The following ATE1 variants were observed in gnomAD, a reference collection of about 807,000 sequenced individuals.
The protein encoded by ATE1 is arginyltransferase 1, also known as arginyl-tRNA--protein transferase 1.
A neutral mutation model predicts 70.5 loss-of-function variants in ATE1; 36 were observed. The ratio of observed to expected loss-of-function variants is 0.51; its 90% CI spans 0.39 to 0.67. ATE1 has a LOEUF of 0.67. Ranked by LOEUF, ATE1 falls within the 30% of genes least tolerant of loss-of-function variation. The pLI, the probability that ATE1 is intolerant of heterozygous loss-of-function variation, is 0.00. For synonymous variants in ATE1, 232 were observed against 219.3 expected (o/e 1.06, Z -0.51); for missense variants, 593 against 629.5 (o/e 0.94, Z 0.62).
At chr10:121,774,058 T>C (rs1945632719) in intron 11 of ATE1, among the ~76,000 whole-genome samples, 1 of 152,158 alleles carries the variant, frequency 6.6e-6, no homozygotes, top group Non-Finnish European at 1.5e-5. Context: ...GTTTAAATGT[T>C]TTAAGAAAAC....
intron 11 of ATE1, among the ~76,000 whole-genome samples, chr10:121,751,756 C>T (rs2135712204): frequency 6.6e-6 from 1 of 152,184 alleles, no homozygotes; most frequent in South Asian, 2.1e-4. Context: ...TGTGAATTAT[C>T]TTCACACCTT....
At chr10:121,771,564 C>T (rs1432700394) in intron 11 of ATE1, among the ~76,000 whole-genome samples, 1 of 152,192 alleles carries the variant, frequency 6.6e-6, no homozygotes, top group East Asian at 1.9e-4. Flanking sequence ...TGTTCACACT[C>T]CAGACATGAA....
intron 3 of ATE1, among the ~76,000 whole-genome samples, chr10:121,920,898 G>A (rs1951855261): frequency 6.6e-6 from 1 of 151,900 alleles, no homozygotes; most frequent in Non-Finnish European, 1.5e-5. Flanking sequence ...GGAGGCTGAG[G>A]CAGGAGAATC....
chr10:121,898,724 C>T, intron 7 of ATE1: 2 of 1,239,402 alleles, frequency 1.6e-6, no homozygotes, highest in South Asian at 1.7e-5. Context: ...TGAGTGTTCA[C>T]AGAAGTTCAG....
intron 8 of ATE1, among the ~76,000 whole-genome samples, chr10:121,847,947 T>C (rs1948899491): frequency 6.6e-6 from 1 of 151,806 alleles, no homozygotes; most frequent in African/African-American, 2.4e-5. Context: ...GGCACGTGCC[T>C]GTAATCCCAG....
At chr10:121,888,287 G>A (rs1442320276) in intron 7 of ATE1, among the ~76,000 whole-genome samples, 1 of 152,042 alleles carries the variant, frequency 6.6e-6, no homozygotes, top group South Asian at 2.1e-4. Flanking sequence ...CGAGCTACTC[G>A]GGAGGCTGAG....
intron 8 of ATE1, among the ~76,000 whole-genome samples, chr10:121,868,993 TGAA>T (rs1214042014): frequency 1.3e-5 from 2 of 152,200 alleles, no homozygotes; most frequent in Admixed American, 1.3e-4. Context: ...GAATATGATT[TGAA>T]GAAGTTGGGA....
chr10:121,858,499 G>C (rs1021159673), intron 8 of ATE1, among the ~76,000 whole-genome samples: 3 of 151,326 alleles, frequency 2.0e-5, no homozygotes, highest in African/African-American at 7.3e-5. Flanking sequence ...AGATCCTTAG[G>C]TAATTTTAAA....
intron 8 of ATE1, among the ~76,000 whole-genome samples, chr10:121,859,162 T>C (rs1279153722): frequency 6.6e-6 from 1 of 152,178 alleles, no homozygotes; most frequent in Non-Finnish European, 1.5e-5. Context: ...TTATATACTT[T>C]CTCAGTCTGT....
chr10:121,757,549 A>G (rs1466384209), intron 11 of ATE1, among the ~76,000 whole-genome samples: 1 of 152,206 alleles, frequency 6.6e-6, no homozygotes, highest in East Asian at 1.9e-4. Context: ...ACAGTTCCAC[A>G]TGACTGGGGA....
rs373204891 is a variant in ATE1 at position 121,786,539 on chromosome 10, T to G, written c.1378+3630A>C. 1.6e-4 allele frequency among the ~76,000 whole-genome samples: 24 copies of G among 151,850 alleles called. 1 individual carries two copies. Among genetic ancestry groups the G allele is most frequent in the East Asian group, 1.6e-3 (8 of 5,154 alleles). On this transcript the variant is annotated intron_variant, in intron 11 of 11. Coordinates refer to ENST00000224652, the MANE Select transcript of ATE1 (RefSeq NM_001001976.3). ...CCAAAATTAGCCAGGCATGGTGATG[T>G]GCACCTGTAGTCCCAGCTACTTAAG...
chr10:121,864,063 T>G (rs1430099084), intron 8 of ATE1, among the ~76,000 whole-genome samples: 1 of 152,202 alleles, frequency 6.6e-6, no homozygotes, highest in South Asian at 2.1e-4. Context: ...CCTAATAGTA[T>G]AGTCACTAGC....
Position 121,870,029 on chromosome 10 carries a change from A to T in ATE1, c.952T>A (p.Phe318Ile), listed in dbSNP as rs764743872. ...DTPTESQFTR[F>I]LCSSPLEAET... ...ACCTCCAAGGGTGAACTGCAAAGGA[A>T]TCTTGTGAACTGCAGTCAAATTTGA... Residue 318 changes from phenylalanine to isoleucine, a missense_variant, in exon 8 of 12, where the codon TTC becomes ATC. Physicochemically the swap from Phe to Ile is conservative, Grantham distance 21. Around this residue, in one of 3 missense-constraint regions of ATE1, gnomAD observed 467 missense variants for 469.6 expected, o/e 0.99. Transcript: ENST00000224652. 6.2e-7 allele frequency: 1 copy of T among 1,611,012 alleles called. No homozygotes were observed. The highest frequency in any genetic ancestry group is 8.5e-7 in the Non-Finnish European group (1 of 1,177,812).
chr10:121,753,219 T>C (rs1298311951), intron 11 of ATE1, among the ~76,000 whole-genome samples: 1 of 152,236 alleles, frequency 6.6e-6, no homozygotes, highest in Admixed American at 6.5e-5. Flanking sequence ...TTACATTCTT[T>C]AGGATTTTCT....
chr10:121,802,555 G>A (rs1188601056), intron 10 of ATE1, among the ~76,000 whole-genome samples: 2 of 151,884 alleles, frequency 1.3e-5, no homozygotes, highest in African/African-American at 4.8e-5. Flanking sequence ...GTGATCTGCT[G>A]GCCTCAGTCT....
intron 5 of ATE1, among the ~76,000 whole-genome samples, chr10:121,904,640 CAAAAAAAAAA>C (rs778557337): frequency 2.2e-5 from 1 of 46,492 alleles, no homozygotes; most frequent in Non-Finnish European, 4.5e-5. Context: ...GACTCCGTCT[CAAAAAAAAAA>C]AAAAAAAAAA....
intron 7 of ATE1, among the ~76,000 whole-genome samples, chr10:121,892,244 G>T (rs1950604580): frequency 8.5e-6 from 1 of 117,122 alleles, no homozygotes; most frequent in Non-Finnish European, 2.0e-5. Flanking sequence ...CACGACCGGT[G>T]AAGAATCTCA....
In ATE1 at chr10:121,927,873, C is replaced by A; in HGVS notation, c.77G>T (p.Cys26Phe). 1 of 1,586,380 alleles carries A rather than the reference C, an allele frequency of 6.3e-7. No homozygotes were observed. Among genetic ancestry groups the A allele is most frequent in the Non-Finnish European group, 8.6e-7 (1 of 1,169,280 alleles). Reference protein sequence around the residue: ...PSEDFYRCGYCKNESGSRSNG... With the variant: ...PSEDFYRCGYFKNESGSRSNG... ...GGAGCGGCTGCCCGACTCGTTCTTG[C>A]AGTAGCCGCAGCGGTAGAAGTCCTC... Residue 26 changes from cysteine (C) to phenylalanine (F), a missense_variant, in exon 1 of 12, where the codon TGC becomes TTC. Physicochemically the swap from Cys to Phe is radical, Grantham distance 205 (BLOSUM62 -2). Transcript: ENST00000224652.
chr10:121,850,692 T>A (rs1949019045), intron 8 of ATE1, among the ~76,000 whole-genome samples: 1 of 152,184 alleles, frequency 6.6e-6, no homozygotes, highest in Admixed American at 6.5e-5. Context: ...AAATAGAAAC[T>A]GAGCAGGTTA....
Sources: allele counts gnomAD v4.1 joint callset (sites outside exome capture counted in the v4.1 genomes callset), GRCh38; gene constraint gnomAD v4.1.1; regional missense constraint gnomAD v4.1.1; transcripts MANE v1.5; gene names NCBI Gene and HGNC (gene_info 2026-07-23, HGNC 2026-07-21).